Variants in KIF13B observed in about 807,000 individuals in gnomAD.
The protein encoded by KIF13B is kinesin-like protein KIF13B.
Under a neutral mutation model 222.0 loss-of-function variants are expected in KIF13B, and 127 were observed. The ratio of observed to expected loss-of-function variants is 0.57; its 90% CI spans 0.50 to 0.66. The LOEUF is 0.66. Among genes scored for constraint, KIF13B ranks in the 30% least tolerant of loss-of-function variants. KIF13B has a pLI of 0.00. For missense variants in KIF13B, 2,173 were observed against 2,379.0 expected, an observed-to-expected ratio of 0.91 and a Z score of 1.80; for synonymous variants, 976 against 919.0, an observed-to-expected ratio of 1.06 and a Z score of -1.12.
chr8:29,161,707 C>CA (rs559480079), intron 12 of KIF13B, among the ~76,000 whole-genome samples: 7 of 150,072 alleles, frequency 4.7e-5, no homozygotes, highest in Admixed American at 3.3e-4. Context: ...AAACCCCCCC[C>CA]CAAAAAAAAA....
At chr8:29,072,576 C>A (rs1451829936) in intron 38 of KIF13B, among the ~76,000 whole-genome samples, 1 of 152,226 alleles carries the variant, frequency 6.6e-6, no homozygotes, top group African/African-American at 2.4e-5. Context: ...GGTTCCCACA[C>A]TGGTTCTGCC....
At chr8:29,157,830 CAAA>C (rs901426407) in intron 13 of KIF13B, among the ~76,000 whole-genome samples, 103 of 94,030 alleles carry the variant, frequency 1.1e-3, no homozygotes, top group African/African-American at 3.8e-3. Flanking sequence ...GACCCTGCCT[CAAA>C]AAAAAAAAAA....
At chr8:29,206,928 G>A (rs1813971462) in intron 2 of KIF13B, among the ~76,000 whole-genome samples, 1 of 152,112 alleles carries the variant, frequency 6.6e-6, no homozygotes, top group African/African-American at 2.4e-5. Flanking sequence ...GTGACCAAGT[G>A]GAAGCAAGGG....
chr8:29,092,931 T>G, intron 36 of KIF13B, 53 bp from the exon 37 acceptor site: 1 of 1,486,326 alleles, frequency 6.7e-7, no homozygotes, highest in Non-Finnish European at 9.1e-7. Context: ...CATAGACATC[T>G]TCTTTCCTGT....
intron 2 of KIF13B, among the ~76,000 whole-genome samples, chr8:29,210,379 G>A (rs889871850): frequency 6.6e-6 from 1 of 152,140 alleles, no homozygotes; most frequent in Admixed American, 6.5e-5. Flanking sequence ...ACTTGAAGAT[G>A]GAAGAACTGA....
chr8:29,259,070 G>C (rs1315697166), intron 1 of KIF13B, among the ~76,000 whole-genome samples: 1 of 152,020 alleles, frequency 6.6e-6, no homozygotes, highest in Non-Finnish European at 1.5e-5. Context: ...AATAATAATA[G>C]ATTTGATCAG....
Position 29,193,484 on chromosome 8 carries a change from C to T in KIF13B, c.163-2427G>A, listed in dbSNP as rs117303983. Reference sequence around the variant, plus strand: ...TCAAACGAAGTTTCTCCTGTTCTAGCTTTCCACGCTTATCTCCATAATTTT... The same window carrying T: ...TCAAACGAAGTTTCTCCTGTTCTAGTTTTCCACGCTTATCTCCATAATTTT... On this transcript the variant is annotated intron_variant, in intron 3 of 39. Coordinates refer to ENST00000524189, the MANE Select transcript of KIF13B (RefSeq NM_015254.4). Among the ~76,000 whole-genome samples the T allele has an allele frequency of 4.9e-3, 746 of 152,298 alleles. 6 individuals carry two copies. The highest frequency in any genetic ancestry group is 7.8e-3 in the Non-Finnish European group (533 of 68,018).
intron 14 of KIF13B, among the ~76,000 whole-genome samples, chr8:29,151,255 G>A (rs1385284063): frequency 1.3e-5 from 2 of 152,196 alleles, no homozygotes; most frequent in Non-Finnish European, 2.9e-5. Flanking sequence ...AGCAACAGAA[G>A]AAAAGTTGGA....
At chr8:29,075,252 G>A (rs944351064) in intron 38 of KIF13B, 29 bp downstream of exon 38, 60 of 1,547,644 alleles carry the variant, frequency 3.9e-5, no homozygotes, top group African/African-American at 5.5e-5. Context: ...CTGTAGGTGG[G>A]GTGGCCACCC....
At chr8:29,118,362 G>A (rs985784435) in intron 30 of KIF13B, among the ~76,000 whole-genome samples, 8 of 151,688 alleles carry the variant, frequency 5.3e-5, no homozygotes, top group African/African-American at 1.7e-4. Flanking sequence ...AGGCATGGTG[G>A]CGCACACTTA....
rs1347664109 is a variant in KIF13B at position 29,070,178 on chromosome 8, A to T, written c.*326T>A. 7.6e-6 allele frequency: 3 copies of T among 396,766 alleles called. No individual in the cohort carries two copies. Among genetic ancestry groups the T allele is most frequent in the African/African-American group, 2.2e-5 (1 of 46,332 alleles). The allele number at this position is 396,766 out of a possible 1,614,324, so 24.6% of individuals were successfully genotyped here. On this transcript the variant is annotated 3_prime_UTR_variant, in exon 40 of 40. Coordinates refer to ENST00000524189, the MANE Select transcript of KIF13B (RefSeq NM_015254.4). This position sits in a 1 kb window ranked among gnomAD's most constrained non-coding sequence, Gnocchi z 4.1. ...GAATGGAAATGATAGAAAGAGCAACATAAGGCCCCAGGCACAGGCACACAG... is the reference window on the plus strand; with the variant it reads ...GAATGGAAATGATAGAAAGAGCAACTTAAGGCCCCAGGCACAGGCACACAG...
At chr8:29,168,584 G>C (rs574862974) in intron 10 of KIF13B, among the ~76,000 whole-genome samples, 1 of 152,192 alleles carries the variant, frequency 6.6e-6, no homozygotes, top group Non-Finnish European at 1.5e-5. Flanking sequence ...CACTCTGGGG[G>C]AAACGGGCTG....
At position 29,087,888 on chromosome 8, in the gene KIF13B, C is replaced by T. The variant is rs114072543; in HGVS notation, c.4458+4857G>A. ...CTGCACTCCAGCCTGGGCAACAGAG[C>T]GAGACCTTGTCACAAAAAATAAATT... On this transcript the variant is annotated intron_variant, in intron 37 of 39. Transcript: ENST00000524189. 5.9e-3 allele frequency among the ~76,000 whole-genome samples: 878 copies of T among 149,804 alleles called. 5 individuals carry two copies. The highest frequency in any genetic ancestry group is 0.021 in the African/African-American group (849 of 40,676).
chr8:29,111,985 C>A (rs1563710865), intron 32 of KIF13B, among the ~76,000 whole-genome samples: 1 of 152,160 alleles, frequency 6.6e-6, no homozygotes, highest in Non-Finnish European at 1.5e-5. Flanking sequence ...AAATGTTCTG[C>A]AAACTCCAAA....
intron 1 of KIF13B, among the ~76,000 whole-genome samples, chr8:29,254,321 T>C (rs2130686021): frequency 6.6e-6 from 1 of 152,260 alleles, no homozygotes; most frequent in Non-Finnish European, 1.5e-5. Context: ...AAAAATAAAC[T>C]GGACTTCATC....
intron 2 of KIF13B, among the ~76,000 whole-genome samples, chr8:29,231,179 C>A (rs146566575): frequency 1.3e-5 from 2 of 152,132 alleles, no homozygotes; most frequent in East Asian, 3.9e-4. Context: ...CACGCCCGGA[C>A]GTGTGACTTA....
rs146296943 is a variant in KIF13B, at chr8:29,257,046, C to T, written c.55+5934G>A. Among the ~76,000 whole-genome samples, 240 of 152,302 alleles carry T rather than the reference C, an allele frequency of 1.6e-3. 1 individual carries two copies. The highest frequency in any genetic ancestry group is 5.7e-3 in the African/African-American group (237 of 41,570). Reference sequence around the variant, plus strand: ...CTGGGAGTACAGGGGTGAGCCACCACACCTGGCCTACAATTCCTTTTCAAA... The same window carrying T: ...CTGGGAGTACAGGGGTGAGCCACCATACCTGGCCTACAATTCCTTTTCAAA... On this transcript the variant is annotated intron_variant, in intron 1 of 39. Coordinates refer to ENST00000524189, the MANE Select transcript of KIF13B (RefSeq NM_015254.4).
At chr8:29,155,703 G>A in intron 14 of KIF13B, 23 bp downstream of exon 14, 1 of 1,592,844 alleles carries the variant, frequency 6.3e-7, no homozygotes, top group Non-Finnish European at 8.6e-7. Flanking sequence ...CTTGTGATAT[G>A]AACACTAATT....
intron 18 of KIF13B, chr8:29,145,999 T>G (rs1811043672): frequency 2.6e-6 from 1 of 379,776 alleles, no homozygotes; most frequent in African/African-American, 2.1e-5. Flanking sequence ...GAAAATAACA[T>G]AAGCAAAATG....
Sources: allele counts gnomAD v4.1 joint callset (sites outside exome capture counted in the v4.1 genomes callset), GRCh38; gene constraint gnomAD v4.1.1; non-coding constraint Gnocchi (gnomAD v3.1); transcripts MANE v1.5; gene names NCBI Gene and HGNC (gene_info 2026-07-23, HGNC 2026-07-21).